NIPAL1: variants seen among roughly 807,000 people sequenced by gnomAD.
NIPAL1 encodes magnesium transporter NIPA3.
In NIPAL1, 35 loss-of-function variants were observed where a neutral mutation model predicts 37.7. The observed-to-expected ratio is 0.93, with a 90% confidence interval of 0.71 to 1.23. The LOEUF is 1.23. Among genes scored for constraint, NIPAL1 ranks in the 50% most tolerant of loss-of-function variants. The pLI, the probability that NIPAL1 is intolerant of heterozygous loss-of-function variation, is 0.00. For missense variants in NIPAL1, 412 were observed against 473.9 expected, an observed-to-expected ratio of 0.87 and a Z score of 1.21; for synonymous variants, 162 against 183.0, an observed-to-expected ratio of 0.89 and a Z score of 0.93.
At chr4:48,034,536 C>G (rs1715884460) in intron 4 of NIPAL1, among the ~76,000 whole-genome samples, 1 of 152,116 alleles carries the variant, frequency 6.6e-6, no homozygotes, top group African/African-American at 2.4e-5. Context: ...CATACATATT[C>G]TAAATGTATC....
intron 4 of NIPAL1, 88 bp downstream of exon 4, chr4:48,033,171 C>A (rs1715858955): frequency 3.7e-6 from 3 of 811,044 alleles, no homozygotes; most frequent in Non-Finnish European, 4.0e-6. Flanking sequence ...CTATGGATAT[C>A]TAAAAGCAAA....
Position 48,025,189 on chromosome 4 carries a change from G to A in NIPAL1, c.168G>A (p.Leu56=), listed in dbSNP as rs769575322. Residue 56 remains leucine (L), a synonymous_variant, in exon 2 of 6, where the codon TTG becomes TTA. Coordinates refer to ENST00000295461, the MANE Select transcript of NIPAL1 (RefSeq NM_207330.3). ...YTDLNYSINN[L]SISANVENKY... ...ACCTGAATTACAGCATAAACAACTTGAGCATTTCAGCAAATGTAGAAAACA... is the reference window on the plus strand; with the variant it reads ...ACCTGAATTACAGCATAAACAACTTAAGCATTTCAGCAAATGTAGAAAACA... 2 of 1,614,196 alleles carry A rather than the reference G, an allele frequency of 1.2e-6. No individual in the cohort carries two copies. Among genetic ancestry groups the A allele is most frequent in the Non-Finnish European group, 1.7e-6 (2 of 1,180,036 alleles).
chr4:48,026,026 C>T lies in NIPAL1; in HGVS notation c.313+692C>T, dbSNP rs185396620. On this transcript the variant is annotated intron_variant, in intron 2 of 5. Coordinates refer to ENST00000295461, the MANE Select transcript of NIPAL1 (RefSeq NM_207330.3). ...CCTTGACCATCCTCTCACAGCAGGT[C>T]TCCCCACCCCACCCCCGTTATTCTC... Among the ~76,000 whole-genome samples the T allele has an allele frequency of 3.5e-3, 526 of 152,224 alleles. 1 individual carries two copies. Among genetic ancestry groups the T allele is most frequent in the Non-Finnish European group, 5.9e-3 (401 of 68,020 alleles).
chr4:48,032,122 G>T (rs1278413118), intron 3 of NIPAL1, among the ~76,000 whole-genome samples: 1 of 152,130 alleles, frequency 6.6e-6, no homozygotes, highest in South Asian at 2.1e-4. Flanking sequence ...TTTCCTAATG[G>T]TGAATACTCC....
rs773605006 is a variant in NIPAL1 at position 48,036,067 on chromosome 4, C to A, written c.1128C>A (p.Val376=). The A allele has an allele frequency of 1.0e-4, 168 of 1,610,168 alleles. No individual in the cohort carries two copies. Among genetic ancestry groups the A allele is most frequent in the Non-Finnish European group, 1.4e-4 (164 of 1,179,182 alleles). Reference sequence around the variant, plus strand: ...CATCCACTGCTAAGAAAGAAGCCGTCTCTCTGAATGTCAATGAAAACAATT... The same window carrying A: ...CATCCACTGCTAAGAAAGAAGCCGTATCTCTGAATGTCAATGAAAACAATT... The part of the protein sequence containing the change: ...ELTSTAKKEA[V]SLNVNENNYV... Residue 376 remains valine (V), a synonymous_variant, in exon 6 of 6, where the codon GTC becomes GTA. Transcript: ENST00000295461.
intron 2 of NIPAL1, among the ~76,000 whole-genome samples, chr4:48,026,540 A>G (rs1715690258): frequency 6.6e-6 from 1 of 152,198 alleles, no homozygotes. Context: ...GGACCCAAGT[A>G]TATATAACAA....
chr4:48,028,858 C>CA (rs1185823711), intron 2 of NIPAL1, among the ~76,000 whole-genome samples: 1 of 152,154 alleles, frequency 6.6e-6, no homozygotes, highest in Non-Finnish European at 1.5e-5. Context: ...ATTAAAACCA[C>CA]AATGAGATAA....
chr4:48,031,778 G>A (rs375633058), intron 3 of NIPAL1, among the ~76,000 whole-genome samples: 54 of 151,960 alleles, frequency 3.6e-4, no homozygotes, highest in African/African-American at 1.1e-3. Flanking sequence ...CGCTCTTGTC[G>A]TCCAGGCTGG....
chr4:48,021,448 T>C (rs1715565701), intron 1 of NIPAL1, among the ~76,000 whole-genome samples: 1 of 152,208 alleles, frequency 6.6e-6, no homozygotes, highest in African/African-American at 2.4e-5. Flanking sequence ...AGAAGATAAA[T>C]ATTAGGTTGA....
At chr4:48,017,343 C>T (rs1715447631) in intron 1 of NIPAL1, among the ~76,000 whole-genome samples, 1 of 152,154 alleles carries the variant, frequency 6.6e-6, no homozygotes, top group African/African-American at 2.4e-5. Flanking sequence ...CCTGCGCTGG[C>T]TCCCGGGGAT....
At position 48,035,863 on chromosome 4, in the gene NIPAL1, C is replaced by G. The variant is rs1160192605; in HGVS notation, c.924C>G (p.Pro308=). The G allele has an allele frequency of 6.2e-7, 1 of 1,613,874 alleles. No homozygotes were observed. ...CCTTTAATACCTCTCTTGTGACACC[C>G]ATTTATTATGTATTCTTCACATCCA... ...LDTFNTSLVT[P]IYYVFFTSMV... The change falls in exon 6 of 6, where the codon CCC becomes CCG. Residue 308 remains proline (P), a synonymous_variant. Coordinates refer to ENST00000295461, the MANE Select transcript of NIPAL1 (RefSeq NM_207330.3).
intron 1 of NIPAL1, among the ~76,000 whole-genome samples, chr4:48,023,266 T>C (rs187485112): frequency 7.2e-4 from 109 of 152,256 alleles, no homozygotes; most frequent in African/African-American, 2.5e-3. Context: ...ATAAATGAAA[T>C]AATAGTCATG....
At position 48,025,110 on chromosome 4, in the gene NIPAL1, G is replaced by A; in HGVS notation, c.89G>A (p.Trp30Ter). Residue 30 changes from tryptophan to a stop codon, truncating the protein, a stop_gained, in exon 2 of 6, where the codon TGG becomes TAG. Transcript: ENST00000295461. LOFTEE classifies it high-confidence loss of function. Reference protein sequence around the residue: ...SLVCPNSSQAWCEITNVSQLL... With the variant: ...SLVCPNSSQA ...GTCTGTCCAAACTCCTCCCAGGCTT[G>A]GTGTGAGATCACAAATGTGTCACAG... 1.2e-6 allele frequency: 2 copies of A among 1,613,890 alleles called. No homozygotes were observed. The highest frequency in any genetic ancestry group is 1.7e-6 in the Non-Finnish European group (2 of 1,179,778).
At position 48,037,075 on chromosome 4, in the gene NIPAL1, A is replaced by T. The variant is rs191246258; in HGVS notation, c.*903A>T. On this transcript the variant is annotated 3_prime_UTR_variant, in exon 6 of 6. Transcript: ENST00000295461. ...AGTTATTTTAAGAAAAAAGAAATTTAAAAAAAAGCCTGCTTTATTTGTTAG... is the reference window on the plus strand; with the variant it reads ...AGTTATTTTAAGAAAAAAGAAATTTTAAAAAAAGCCTGCTTTATTTGTTAG... 12 of 159,844 alleles carry T rather than the reference A, an allele frequency of 7.5e-5. No individual in the cohort carries two copies. Among genetic ancestry groups the T allele is most frequent in the Non-Finnish European group, 8.3e-5 (6 of 72,606 alleles). 9.9% of individuals were successfully genotyped at this position (159,844 alleles called of 1,614,324 possible). A position where few individuals can be genotyped will look rare whatever the true frequency, so the allele number is the denominator to read the frequency against.
At position 48,027,286 on chromosome 4, in the gene NIPAL1, GAAAC is replaced by G. The variant is rs1715714934; in HGVS notation, c.313+1960_313+1963del. ...GAAAATAGACATGGCATATAAACAA[GAAAC>G]AAACAAAATAAGAAATGCAAATGAC... is the stretch of plus-strand genomic sequence containing the variant. On this transcript the variant is annotated intron_variant, in intron 2 of 5. Coordinates refer to ENST00000295461, the MANE Select transcript of NIPAL1 (RefSeq NM_207330.3). The surrounding 1 kb of genome is among the most constrained non-coding windows in gnomAD (Gnocchi z 4.1). Among the ~76,000 whole-genome samples the G allele has an allele frequency of 6.6e-6, 1 of 152,020 alleles. No homozygotes were observed. Among genetic ancestry groups the G allele is most frequent in the African/African-American group, 2.4e-5 (1 of 41,410 alleles).
At chr4:48,022,184 A>C (rs1353012723) in intron 1 of NIPAL1, among the ~76,000 whole-genome samples, 1 of 152,048 alleles carries the variant, frequency 6.6e-6, no homozygotes, top group African/African-American at 2.4e-5. Context: ...AAACACTCCA[A>C]ATTCCCTGCC....
chr4:48,031,748 G>GT (rs1287872680), intron 3 of NIPAL1, among the ~76,000 whole-genome samples: 1 of 151,726 alleles, frequency 6.6e-6, no homozygotes, highest in Admixed American at 6.6e-5. Context: ...AACTGCCACG[G>GT]TTTTTTTTAG....
intron 1 of NIPAL1, among the ~76,000 whole-genome samples, chr4:48,022,994 AAAAG>A (rs1222173539): frequency 6.6e-6 from 1 of 152,166 alleles, no homozygotes; most frequent in Non-Finnish European, 1.5e-5. Context: ...TCTCAGAAAA[AAAAG>A]AAATGAAAAT....
At chr4:48,026,551 T>C (rs1282184780) in intron 2 of NIPAL1, among the ~76,000 whole-genome samples, 1 of 152,078 alleles carries the variant, frequency 6.6e-6, no homozygotes, top group Non-Finnish European at 1.5e-5. Context: ...TATATAACAA[T>C]TGAATTTGTT....
Sources: gnomAD v4.1 joint callset for allele counts (sites outside exome capture counted in the v4.1 genomes callset) on GRCh38, gnomAD v4.1.1 for gene constraint, Gnocchi (gnomAD v3.1) non-coding constraint, MANE v1.5 for transcripts, NCBI Gene and HGNC (gene_info 2026-07-23, HGNC 2026-07-21) for gene names.